The following NELL1 variants were observed in gnomAD, a reference collection of about 807,000 sequenced individuals.
NELL1 encodes neural EGFL like 1.
A neutral mutation model predicts 107.4 loss-of-function variants in NELL1; 76 were observed. The ratio of observed to expected loss-of-function variants is 0.71; its 90% CI spans 0.59 to 0.86. NELL1 has a LOEUF of 0.86. Among genes scored for constraint, NELL1 ranks in the 40% least tolerant of loss-of-function variants. The probability of loss-of-function intolerance (pLI) is 0.00; values close to 1 mark genes in which losing one functional copy is unlikely to be tolerated. For synonymous variants in NELL1, 353 were observed against 341.2 expected (o/e 1.03, Z -0.38); for missense variants, 1,024 against 1,005.5 (o/e 1.02, Z -0.25).
chr11:21,031,666 G>C (rs1270212675), intron 12 of NELL1, among the ~76,000 whole-genome samples: 1 of 151,934 alleles, frequency 6.6e-6, no homozygotes, highest in African/African-American at 2.4e-5. Context: ...ACATTTCTTA[G>C]TGTAGCAGAT....
chr11:20,764,014 A>G (rs1198442148), intron 2 of NELL1, among the ~76,000 whole-genome samples: 36 of 152,236 alleles, frequency 2.4e-4, no homozygotes, highest in Admixed American at 2.4e-3. Flanking sequence ...TCAACTCTGC[A>G]TTCACTGCAC....
chr11:20,993,220 A>T (rs1380752017), intron 12 of NELL1, among the ~76,000 whole-genome samples: 1 of 152,078 alleles, frequency 6.6e-6, no homozygotes, highest in Non-Finnish European at 1.5e-5. Flanking sequence ...GTTTCATTTT[A>T]TATCATCTAC....
At chr11:21,001,579 C>T (rs770015964) in intron 12 of NELL1, among the ~76,000 whole-genome samples, 8 of 151,770 alleles carry the variant, frequency 5.3e-5, no homozygotes, top group Non-Finnish European at 8.8e-5. Context: ...CTCTGGGAAG[C>T]GGATGCTGAG....
chr11:21,082,126 C>A (rs1195347459), intron 12 of NELL1, among the ~76,000 whole-genome samples: 1 of 152,100 alleles, frequency 6.6e-6, no homozygotes, highest in Non-Finnish European at 1.5e-5. Context: ...CAATGGCGAT[C>A]ATTTCTTTTC....
At chr11:20,718,269 C>G (rs182855361) in intron 2 of NELL1, among the ~76,000 whole-genome samples, 5 of 152,246 alleles carry the variant, frequency 3.3e-5, no homozygotes, top group Non-Finnish European at 5.9e-5. Context: ...TAAAATGTGA[C>G]TAGTGCAACT....
At chr11:20,831,334 T>A (rs1275048624) in intron 3 of NELL1, among the ~76,000 whole-genome samples, 3 of 152,156 alleles carry the variant, frequency 2.0e-5, no homozygotes, top group Non-Finnish European at 4.4e-5. Context: ...GAGCCTGCAT[T>A]TTGACAAGTT....
intron 2 of NELL1, among the ~76,000 whole-genome samples, chr11:20,754,186 T>A (rs1199892641): frequency 2.6e-5 from 4 of 152,120 alleles, no homozygotes; most frequent in Admixed American, 2.0e-4. Context: ...GAAAAATAAA[T>A]TCAAGTACCT....
intron 12 of NELL1, among the ~76,000 whole-genome samples, chr11:21,068,731 G>A (rs1853940479): frequency 6.6e-6 from 1 of 152,166 alleles, no homozygotes; most frequent in South Asian, 2.1e-4. Flanking sequence ...GATCCCAAGT[G>A]CCTCCAATAG....
At chr11:21,318,885 C>T (rs540609504) in intron 14 of NELL1, among the ~76,000 whole-genome samples, 7 of 152,094 alleles carry the variant, frequency 4.6e-5, no homozygotes, top group East Asian at 1.9e-4. Context: ...CTAGTTCTTC[C>T]GAGCTGTGTG....
intron 9 of NELL1, among the ~76,000 whole-genome samples, chr11:20,936,971 C>T (rs999720526): frequency 6.6e-6 from 1 of 152,118 alleles, no homozygotes; most frequent in Non-Finnish European, 1.5e-5. Flanking sequence ...GAAGGGTCCT[C>T]ATCAGGGCAG....
intron 4 of NELL1, among the ~76,000 whole-genome samples, chr11:20,874,271 T>A (rs537439731): frequency 6.6e-6 from 1 of 152,330 alleles, no homozygotes; most frequent in Non-Finnish European, 1.5e-5. Flanking sequence ...TTTCATCATA[T>A]TGATCAGGCT....
chr11:21,559,651 C>A (rs756787073), intron 16 of NELL1, among the ~76,000 whole-genome samples: 16 of 152,072 alleles, frequency 1.1e-4, no homozygotes, highest in Non-Finnish European at 1.6e-4. Flanking sequence ...CCACTTCCTT[C>A]AACTTTGGTG....
chr11:21,338,499 G>A (rs1007547607), intron 14 of NELL1, among the ~76,000 whole-genome samples: 5 of 152,136 alleles, frequency 3.3e-5, no homozygotes, highest in African/African-American at 1.2e-4. Flanking sequence ...ATCTATAAAT[G>A]TTCCTGAAAA....
In NELL1 at chr11:21,370,937, A is replaced by G; in HGVS notation, c.1634A>G (p.His545Arg). 6.2e-7 allele frequency: 1 copy of G among 1,610,676 alleles called. No homozygotes were observed. The highest frequency in any genetic ancestry group is 8.5e-7 in the Non-Finnish European group (1 of 1,178,282). Reference sequence around the variant, plus strand: ...TGTCCATCTGGATTCACAGGAAGCCACTGCGAGAAAGGTAATCTAGCTTGT... The same window carrying G: ...TGTCCATCTGGATTCACAGGAAGCCGCTGCGAGAAAGGTAATCTAGCTTGT... ...CVCPSGFTGS[H>R]CEKDIDECSE... Residue 545 changes from histidine to arginine, a missense_variant, in exon 15 of 20, where the codon CAC becomes CGC. By Grantham distance (29) the His-to-Arg change is conservative (BLOSUM62 0). Coordinates refer to ENST00000357134, the MANE Select transcript of NELL1 (RefSeq NM_006157.5).
intron 14 of NELL1, among the ~76,000 whole-genome samples, chr11:21,304,454 G>A (rs1017777755): frequency 6.6e-6 from 1 of 151,982 alleles, no homozygotes; most frequent in Non-Finnish European, 1.5e-5. Flanking sequence ...TGATGCAGTG[G>A]GGAAAGGATT....
intron 15 of NELL1, among the ~76,000 whole-genome samples, chr11:21,492,288 C>T (rs1039445012): frequency 2.6e-5 from 4 of 152,016 alleles, no homozygotes; most frequent in African/African-American, 9.7e-5. Context: ...CACTTTTACA[C>T]TGTTGGTGGG....
chr11:21,022,294 G>A (rs915082605), intron 12 of NELL1, among the ~76,000 whole-genome samples: 1 of 151,962 alleles, frequency 6.6e-6, no homozygotes, highest in Non-Finnish European at 1.5e-5. Flanking sequence ...CACACCTGTT[G>A]TACCACCAAA....
chr11:21,022,262 T>C (rs1852718398), intron 12 of NELL1, among the ~76,000 whole-genome samples: 1 of 152,096 alleles, frequency 6.6e-6, no homozygotes. Flanking sequence ...TAGGTACTGA[T>C]TTGCTCAGGC....
intron 3 of NELL1, among the ~76,000 whole-genome samples, chr11:20,796,735 G>T (rs1590302941): frequency 6.6e-6 from 1 of 152,254 alleles, no homozygotes; most frequent in East Asian, 1.9e-4. Context: ...TAGATGCTGG[G>T]CTACAATTGT....
Sources: allele counts gnomAD v4.1 joint callset (sites outside exome capture counted in the v4.1 genomes callset), GRCh38; gene constraint gnomAD v4.1.1; transcripts MANE v1.5; gene names NCBI Gene and HGNC (gene_info 2026-07-23, HGNC 2026-07-21).